SLC25A21: variants seen among roughly 807,000 people sequenced by gnomAD.
SLC25A21 encodes the protein mitochondrial 2-oxodicarboxylate carrier.
Under a neutral mutation model 43.8 loss-of-function variants are expected in SLC25A21, and 47 were observed. That is an observed-to-expected ratio of 1.07 (90% CI 0.85 to 1.37). The LOEUF is 1.37. SLC25A21 is among the 40% of genes most tolerant of loss of function. SLC25A21 has a pLI of 0.00. For synonymous variants in SLC25A21, 131 were observed against 121.3 expected (o/e 1.08, Z -0.52); for missense variants, 352 against 350.2 (o/e 1.00, Z -0.04).
At chr14:36,941,387 A>ATT (rs1192524534) in intron 1 of SLC25A21, among the ~76,000 whole-genome samples, 1 of 152,154 alleles carries the variant, frequency 6.6e-6, no homozygotes, top group Admixed American at 6.5e-5. Context: ...TTTTAAATAT[A>ATT]GGAGTGATTG....
chr14:37,008,447 T>C (rs1960657213), intron 1 of SLC25A21, among the ~76,000 whole-genome samples: 1 of 152,138 alleles, frequency 6.6e-6, no homozygotes, highest in South Asian at 2.1e-4. Context: ...TTCCAGCCAT[T>C]GCAATAGAGG....
chr14:36,762,700 C>G (rs911917390), intron 3 of SLC25A21, among the ~76,000 whole-genome samples: 1 of 152,146 alleles, frequency 6.6e-6, no homozygotes. Flanking sequence ...GGACATGAAT[C>G]TCTCTAAGTT....
chr14:36,707,762 G>A (rs1175375252), intron 7 of SLC25A21, among the ~76,000 whole-genome samples: 1 of 152,208 alleles, frequency 6.6e-6, no homozygotes, highest in Non-Finnish European at 1.5e-5. Flanking sequence ...CAATGCATTA[G>A]CATTCTTCAG....
At chr14:36,741,566 T>C (rs961087763) in intron 3 of SLC25A21, among the ~76,000 whole-genome samples, 1 of 152,198 alleles carries the variant, frequency 6.6e-6, no homozygotes, top group Admixed American at 6.5e-5. Context: ...ATATTCATAA[T>C]CAAAGTCCAG....
At chr14:36,810,045 T>C (rs1326684583) in intron 3 of SLC25A21, among the ~76,000 whole-genome samples, 3 of 152,230 alleles carry the variant, frequency 2.0e-5, no homozygotes, top group Admixed American at 1.3e-4. Flanking sequence ...CCCAGGGCTA[T>C]GAAATGCTCT....
At chr14:36,789,799 A>ATTTTATATATTATATATAATATAT (rs1887390586) in intron 3 of SLC25A21, among the ~76,000 whole-genome samples, 1 of 92,862 alleles carries the variant, frequency 1.1e-5, no homozygotes, top group African/African-American at 4.4e-5. Context: ...TATATAATAT[A>ATTTTATATATTATATATAATATAT]TTTTATATAT....
intron 1 of SLC25A21, among the ~76,000 whole-genome samples, chr14:36,952,809 A>G (rs1892845471): frequency 6.6e-6 from 1 of 152,200 alleles, no homozygotes; most frequent in Non-Finnish European, 1.5e-5. Flanking sequence ...GGCCTTGGGC[A>G]AAAAGACTAC....
chr14:36,969,839 G>A (rs886447334), intron 1 of SLC25A21, among the ~76,000 whole-genome samples: 7 of 151,874 alleles, frequency 4.6e-5, no homozygotes, highest in African/African-American at 1.2e-4. Flanking sequence ...GCAGGGGATC[G>A]AGGCAGATGC....
chr14:36,733,034 C>T (rs1359957788), intron 4 of SLC25A21, among the ~76,000 whole-genome samples: 3 of 152,132 alleles, frequency 2.0e-5, no homozygotes, highest in African/African-American at 7.2e-5. Flanking sequence ...TTATAAAGCT[C>T]AACTATTTTT....
At chr14:36,683,794 G>C in intron 9 of SLC25A21, 34 bp downstream of exon 9, 1 of 1,491,816 alleles carries the variant, frequency 6.7e-7, no homozygotes, top group East Asian at 2.3e-5. Flanking sequence ...GAACAATAAA[G>C]AAGGAAGGAT....
At chr14:36,874,510 G>T (rs1331237757) in intron 2 of SLC25A21, among the ~76,000 whole-genome samples, 1 of 152,080 alleles carries the variant, frequency 6.6e-6, no homozygotes, top group African/African-American at 2.4e-5. Flanking sequence ...TTTTGCATTG[G>T]CAAACAGTAA....
At chr14:36,792,380 G>C (rs1887517639) in intron 3 of SLC25A21, among the ~76,000 whole-genome samples, 1 of 152,132 alleles carries the variant, frequency 6.6e-6, no homozygotes, top group Admixed American at 6.6e-5. Context: ...TTCAATGGCT[G>C]CGAGTCTGTA....
At chr14:37,164,499 C>G (rs1963999608) in intron 1 of SLC25A21, among the ~76,000 whole-genome samples, 1 of 152,130 alleles carries the variant, frequency 6.6e-6, no homozygotes, top group African/African-American at 2.4e-5. Context: ...TGCCATTTAT[C>G]CAAATCACAC....
intron 3 of SLC25A21, among the ~76,000 whole-genome samples, chr14:36,758,535 C>A (rs147493204): frequency 2.9e-5 from 4 of 139,330 alleles, no homozygotes; most frequent in Non-Finnish European, 6.1e-5. Flanking sequence ...GTGTTGAAGG[C>A]AAAACTGCTC....
intron 1 of SLC25A21, among the ~76,000 whole-genome samples, chr14:36,997,422 G>A (rs79467456): frequency 0.02 from 2,998 of 152,258 alleles, 97 homozygotes; most frequent in African/African-American, 0.068. Flanking sequence ...GGTGAGGGCA[G>A]CTGAATGTGG....
intron 1 of SLC25A21, among the ~76,000 whole-genome samples, chr14:36,962,091 T>C (rs904225024): frequency 3.3e-5 from 5 of 152,210 alleles, no homozygotes; most frequent in African/African-American, 1.2e-4. Flanking sequence ...CCACTCATCC[T>C]TTCTCTAGCC....
rs55825784 is a variant in SLC25A21, at chr14:36,836,137, G to T, written c.120-22136C>A. On this transcript the variant is annotated intron_variant, in intron 2 of 9. Coordinates refer to ENST00000331299, the MANE Select transcript of SLC25A21 (RefSeq NM_030631.4). ...AATATGCGGCCTGGTTATCTAGGAA[G>T]TTATAATTCGGAAGTGTTAAGTATA... 3.4e-3 allele frequency among the ~76,000 whole-genome samples: 516 copies of T among 152,332 alleles called. 3 individuals are homozygous for T. Among genetic ancestry groups the T allele is most frequent in the Non-Finnish European group, 6.0e-3 (407 of 68,032 alleles).
chr14:36,748,081 G>T (rs1368496943), intron 3 of SLC25A21, among the ~76,000 whole-genome samples: 1 of 152,212 alleles, frequency 6.6e-6, no homozygotes, highest in Non-Finnish European at 1.5e-5. Context: ...TCCTAGTAGT[G>T]AAACAGCTAG....
Position 36,939,256 on chromosome 14 carries a change from C to T in SLC25A21, c.71-64252G>A, listed in dbSNP as rs138337346. On this transcript the variant is annotated intron_variant, in intron 1 of 9. Coordinates refer to ENST00000331299, the MANE Select transcript of SLC25A21 (RefSeq NM_030631.4). ...CTTATTTCTGTATTCTAAAAAAAGT[C>T]GGGTTGGGGGAGCAGTTTGTGTTTC... Among the ~76,000 whole-genome samples, 1,094 of 151,276 alleles carry T rather than the reference C, an allele frequency of 7.2e-3. 17 individuals are homozygous for T. The highest frequency in any genetic ancestry group is 0.024 in the African/African-American group (995 of 41,192).
Sources: gnomAD v4.1 joint callset for allele counts (sites outside exome capture counted in the v4.1 genomes callset) on GRCh38, gnomAD v4.1.1 for gene constraint, MANE v1.5 for transcripts, NCBI Gene and HGNC (gene_info 2026-07-23, HGNC 2026-07-21) for gene names.